NRXN3: variants seen among roughly 807,000 people sequenced by gnomAD.
NRXN3 encodes neurexin 3.
NRXN3 carries 32 observed loss-of-function variants against 137.6 expected under a neutral mutation model. The observed-to-expected ratio is 0.23, with a 90% confidence interval of 0.18 to 0.31. The LOEUF (loss-of-function observed/expected upper bound fraction) is 0.31, where lower values mean the gene tolerates loss of function less well. Ranked by LOEUF, NRXN3 falls within the 10% of genes least tolerant of loss-of-function variation. The probability of loss-of-function intolerance (pLI) is 1.00; values close to 1 mark genes in which losing one functional copy is unlikely to be tolerated. For synonymous variants in NRXN3, 798 were observed against 784.5 expected (o/e 1.02, Z -0.29); for missense variants, 1,574 against 2,062.5 (o/e 0.76, Z 4.59).
Position 79,113,453 on chromosome 14 carries a change from C to T in NRXN3, c.3262+125312C>T, listed in dbSNP as rs531062390. Among the ~76,000 whole-genome samples the T allele has an allele frequency of 2.2e-3, 336 of 152,254 alleles. 2 individuals are homozygous for T. Among genetic ancestry groups the T allele is most frequent in the Middle Eastern group, 6.8e-3 (2 of 294 alleles). On this transcript the variant is annotated intron_variant, in intron 15 of 20. Coordinates refer to ENST00000335750, the MANE Select transcript of NRXN3 (RefSeq NM_001330195.2). ...CTTTTTGTGTCTTTAGTCTCTTAATCGGCCTCGACTTCTTTTCCTTGACCT... is the reference window on the plus strand; with the variant it reads ...CTTTTTGTGTCTTTAGTCTCTTAATTGGCCTCGACTTCTTTTCCTTGACCT...
chr14:79,453,967 C>T (rs908174794), intron 15 of NRXN3, among the ~76,000 whole-genome samples: 1 of 152,154 alleles, frequency 6.6e-6, no homozygotes, highest in Non-Finnish European at 1.5e-5. Flanking sequence ...TATCCTCCCT[C>T]CATCTTCTCT....
At chr14:79,615,572 A>G (rs1004581504) in intron 16 of NRXN3, among the ~76,000 whole-genome samples, 2 of 152,152 alleles carry the variant, frequency 1.3e-5, no homozygotes, top group Admixed American at 1.3e-4. Flanking sequence ...GGTTTAATTG[A>G]CCCACAGTTC....
intron 19 of NRXN3, among the ~76,000 whole-genome samples, chr14:79,781,653 G>A (rs1273509773): frequency 1.3e-5 from 2 of 152,148 alleles, no homozygotes; most frequent in African/African-American, 2.4e-5. Flanking sequence ...AGTTCAGTAA[G>A]GTCTGACACC....
intron 10 of NRXN3, among the ~76,000 whole-genome samples, chr14:78,835,053 G>A (rs2098992621): frequency 6.6e-6 from 1 of 151,784 alleles, no homozygotes; most frequent in Non-Finnish European, 1.5e-5. Context: ...TATCACTCCT[G>A]TATCTATCTA....
chr14:79,105,051 C>T (rs1440794685), intron 15 of NRXN3, among the ~76,000 whole-genome samples: 2 of 152,034 alleles, frequency 1.3e-5, no homozygotes, highest in Non-Finnish European at 2.9e-5. Flanking sequence ...TTATTTCTTG[C>T]TTAAGTAATA....
chr14:78,820,816 G>A (rs2098948616), intron 10 of NRXN3, among the ~76,000 whole-genome samples: 1 of 152,136 alleles, frequency 6.6e-6, no homozygotes, highest in Non-Finnish European at 1.5e-5. Flanking sequence ...AAATGTGTAT[G>A]TGTCCCAAAA....
At chr14:78,833,726 TA>T (rs2098988593) in intron 10 of NRXN3, among the ~76,000 whole-genome samples, 1 of 1,102 alleles carries the variant, frequency 9.1e-4, no homozygotes, top group African/African-American at 9.6e-4. Flanking sequence ...TGAAAAAATC[TA>T]AATGTTTTTA....
At chr14:78,212,635 T>C (rs78342531) in intron 1 of NRXN3, among the ~76,000 whole-genome samples, 3,387 of 152,320 alleles carry the variant, frequency 0.022, 50 homozygotes, top group South Asian at 0.047. Flanking sequence ...TTCATACTTG[T>C]CTGGATTCCT....
chr14:79,406,576 TA>T (rs2095318200), intron 15 of NRXN3, among the ~76,000 whole-genome samples: 1 of 152,144 alleles, frequency 6.6e-6, no homozygotes, highest in African/African-American at 2.4e-5. Flanking sequence ...GTGCTGGGAT[TA>T]CAGGCATCAG....
intron 10 of NRXN3, among the ~76,000 whole-genome samples, chr14:78,814,787 A>G (rs1275836801): frequency 6.6e-6 from 1 of 152,140 alleles, no homozygotes; most frequent in Non-Finnish European, 1.5e-5. Context: ...TGCGCAAGTG[A>G]AAGTATGGAA....
intron 17 of NRXN3, among the ~76,000 whole-genome samples, chr14:79,682,267 T>G (rs1351178664): frequency 6.6e-6 from 1 of 152,178 alleles, no homozygotes; most frequent in Non-Finnish European, 1.5e-5. Flanking sequence ...GTGAGCTCAG[T>G]ACTTTGTTGT....
At chr14:79,776,433 G>A (rs1331868663) in intron 19 of NRXN3, among the ~76,000 whole-genome samples, 3 of 152,166 alleles carry the variant, frequency 2.0e-5, no homozygotes, top group Non-Finnish European at 4.4e-5. Flanking sequence ...AAGGCTCTGT[G>A]ATCACGTGGC....
intron 4 of NRXN3, among the ~76,000 whole-genome samples, chr14:78,519,257 G>A (rs909021112): frequency 6.6e-6 from 1 of 152,038 alleles, no homozygotes; most frequent in Non-Finnish European, 1.5e-5. Flanking sequence ...TTGGCAAACC[G>A]AGGTATCTCT....
At chr14:78,247,576 C>G (rs114431457) in intron 2 of NRXN3, among the ~76,000 whole-genome samples, 2,597 of 152,166 alleles carry the variant, frequency 0.017, 43 homozygotes, top group African/African-American at 0.046. Flanking sequence ...GACATTTAGT[C>G]TTGCCTTTTC....
chr14:78,198,797 G>T (rs2061437163), intron 1 of NRXN3, among the ~76,000 whole-genome samples: 1 of 152,222 alleles, frequency 6.6e-6, no homozygotes, highest in African/African-American at 2.4e-5. Context: ...TGGGCTGAGA[G>T]TAAGATTTTG....
chr14:78,330,698 C>T (rs2080712984), intron 4 of NRXN3, among the ~76,000 whole-genome samples: 1 of 152,108 alleles, frequency 6.6e-6, no homozygotes, highest in South Asian at 2.1e-4. Flanking sequence ...GTCTTTTCCA[C>T]TTTGTAGGAA....
At chr14:79,181,425 G>A (rs1402488011) in intron 15 of NRXN3, among the ~76,000 whole-genome samples, 3 of 152,100 alleles carry the variant, frequency 2.0e-5, no homozygotes, top group Non-Finnish European at 2.9e-5. Flanking sequence ...GCTCACGCCT[G>A]TAATCCCAGC....
At chr14:79,264,447 C>G (rs773911865) in intron 15 of NRXN3, among the ~76,000 whole-genome samples, 3 of 152,088 alleles carry the variant, frequency 2.0e-5, no homozygotes, top group Non-Finnish European at 2.9e-5. Flanking sequence ...CTTAAGGTGT[C>G]ACAAAGTTAG....
chr14:79,545,752 T>C (rs1429344000), intron 16 of NRXN3, among the ~76,000 whole-genome samples: 1 of 151,954 alleles, frequency 6.6e-6, no homozygotes, highest in Non-Finnish European at 1.5e-5. Context: ...TCCACACTAC[T>C]AAACTACCTT....
Sources: gnomAD v4.1 joint callset for allele counts (sites outside exome capture counted in the v4.1 genomes callset) on GRCh38, gnomAD v4.1.1 for gene constraint, MANE v1.5 for transcripts, NCBI Gene and HGNC (gene_info 2026-07-23, HGNC 2026-07-21) for gene names.